AIMP1: variants seen among roughly 807,000 people sequenced by gnomAD.
AIMP1 encodes aminoacyl tRNA synthase complex-interacting multifunctional protein 1.
A neutral mutation model predicts 33.1 loss-of-function variants in AIMP1; 24 were observed. That is an observed-to-expected ratio of 0.73 (90% confidence interval 0.53 to 1.02). AIMP1 has a LOEUF of 1.02. Ranked by LOEUF, AIMP1 falls within the 50% of genes least tolerant of loss-of-function variation. The pLI is 0.00. For synonymous variants in AIMP1, 120 were observed against 121.5 expected (o/e 0.99, Z 0.08); for missense variants, 367 against 364.8 (o/e 1.01, Z -0.05).
chr4:106,328,434 C>T (rs763494303), intron 4 of AIMP1, among the ~76,000 whole-genome samples, 191 bp downstream of exon 4: 1 of 151,998 alleles, frequency 6.6e-6, no homozygotes, highest in African/African-American at 2.4e-5. Flanking sequence ...ACCAGATTAA[C>T]GGGGTAAAAA....
chr4:106,339,884 T>C (rs1389480551), intron 6 of AIMP1, among the ~76,000 whole-genome samples: 1 of 152,230 alleles, frequency 6.6e-6, no homozygotes, highest in Non-Finnish European at 1.5e-5. Flanking sequence ...TAAAATGTAA[T>C]GATTTTAATA....
At position 106,316,553 on chromosome 4, in the gene AIMP1, T is replaced by A; in HGVS notation, c.-67T>A. Reference sequence around the variant, plus strand: ...ACGCGGGTGGCTGGACCTACATGCTTCCTGCTGTGGCTGTCTCGGAACCCG... The same window carrying A: ...ACGCGGGTGGCTGGACCTACATGCTACCTGCTGTGGCTGTCTCGGAACCCG... On this transcript the variant is annotated 5_prime_UTR_variant, in exon 1 of 7. Coordinates refer to ENST00000672341, the MANE Select transcript of AIMP1 (RefSeq NM_001142416.2). 1 of 1,551,580 alleles carries A rather than the reference T, an allele frequency of 6.4e-7. No homozygotes were observed. Among genetic ancestry groups the A allele is most frequent in the Non-Finnish European group, 8.7e-7 (1 of 1,146,948 alleles).
intron 6 of AIMP1, among the ~76,000 whole-genome samples, chr4:106,346,153 T>C (rs902084706): frequency 6.6e-6 from 1 of 152,080 alleles, no homozygotes; most frequent in East Asian, 1.9e-4. Flanking sequence ...ATATTGAACA[T>C]TCTCAGCTAT....
intron 5 of AIMP1, among the ~76,000 whole-genome samples, chr4:106,334,466 T>C (rs1194963158): frequency 6.6e-6 from 1 of 152,024 alleles, no homozygotes; most frequent in African/African-American, 2.4e-5. Flanking sequence ...GGTTTCACTA[T>C]GTGGGCCAGG....
chr4:106,331,883 G>A lies in AIMP1; in HGVS notation c.603G>A (p.Gln201=). ...SGLVNHVPLE[Q]MQNRMVILLC... ...TGGTGAATCATGTTCCTCTTGAACAGGTAATCTGTACAACTGAAATTCCTG... is the reference window on the plus strand; with the variant it reads ...TGGTGAATCATGTTCCTCTTGAACAAGTAATCTGTACAACTGAAATTCCTG... The change falls in exon 5 of 7, where the codon CAG becomes CAA. Residue 201 remains glutamine (Q), a splice_region_variant and synonymous_variant. Transcript: ENST00000672341. The A allele has an allele frequency of 2.5e-6, 4 of 1,613,582 alleles. No homozygotes were observed. Among genetic ancestry groups the A allele is most frequent in the South Asian group, 1.1e-5 (1 of 91,078 alleles).
intron 5 of AIMP1, among the ~76,000 whole-genome samples, chr4:106,333,254 G>C (rs952693687): frequency 7.9e-5 from 12 of 152,078 alleles, no homozygotes; most frequent in Admixed American, 5.2e-4. Context: ...AAACAAGGGT[G>C]TTACTTGTTT....
At chr4:106,325,970 T>A (rs1769440840) in intron 2 of AIMP1, among the ~76,000 whole-genome samples, 1 of 152,026 alleles carries the variant, frequency 6.6e-6, no homozygotes, top group African/African-American at 2.4e-5. Flanking sequence ...TGTAAGAGGG[T>A]CACATGCCCC....
intron 1 of AIMP1, among the ~76,000 whole-genome samples, chr4:106,318,831 CAA>C (rs1364082122): frequency 2.0e-5 from 3 of 151,958 alleles, no homozygotes; most frequent in Non-Finnish European, 4.4e-5. Context: ...TGTGGGGAAA[CAA>C]AGGGTGATAC....
rs113073378 is a variant in AIMP1, at chr4:106,322,478, T to G, written c.-25-2507T>G. Among the ~76,000 whole-genome samples the G allele has an allele frequency of 4.6e-5, 7 of 152,206 alleles. 1 individual carries two copies. Among genetic ancestry groups the G allele is most frequent in the African/African-American group, 1.7e-4 (7 of 41,520 alleles). On this transcript the variant is annotated intron_variant, in intron 1 of 6. Transcript: ENST00000672341. ...CATCCAACCTATATTTTTAAAAAAT[T>G]TAAATGATAATTAATCAACAAGTAT...
At chr4:106,322,012 G>A (rs188876127) in intron 1 of AIMP1, among the ~76,000 whole-genome samples, 67 of 148,882 alleles carry the variant, frequency 4.5e-4, no homozygotes, top group African/African-American at 1.5e-3. Flanking sequence ...TCTCTGAAAC[G>A]TGCTGTGTCC....
intron 5 of AIMP1, among the ~76,000 whole-genome samples, chr4:106,332,976 G>A (rs1304473654): frequency 6.6e-6 from 1 of 152,020 alleles, no homozygotes; most frequent in Non-Finnish European, 1.5e-5. Context: ...AAATCCTGAT[G>A]TCTTGTTTCT....
At chr4:106,343,116 G>T (rs773787470) in intron 6 of AIMP1, among the ~76,000 whole-genome samples, 1 of 151,996 alleles carries the variant, frequency 6.6e-6, no homozygotes, top group Non-Finnish European at 1.5e-5. Context: ...TTGAGAACTC[G>T]TTATTGGTCT....
At chr4:106,344,085 A>C (rs371365361) in intron 6 of AIMP1, among the ~76,000 whole-genome samples, 2 of 151,920 alleles carry the variant, frequency 1.3e-5, no homozygotes, top group East Asian at 3.9e-4. Flanking sequence ...TTATTAATTA[A>C]CTTGGCTTCT....
intron 6 of AIMP1, among the ~76,000 whole-genome samples, chr4:106,338,686 C>G (rs79727894): frequency 6.6e-6 from 1 of 152,212 alleles, no homozygotes; most frequent in Non-Finnish European, 1.5e-5. Context: ...TGGGACCCCC[C>G]CACACACAGA....
Position 106,336,030 on chromosome 4 carries a change from C to CT in AIMP1, c.604-810dup, listed in dbSNP as rs34219049. On this transcript the variant is annotated intron_variant, in intron 5 of 6. Coordinates refer to ENST00000672341, the MANE Select transcript of AIMP1 (RefSeq NM_001142416.2). Reference sequence around the variant, plus strand: ...CATGATGCTGAAATTGTTAAATGATCTTTTTTTTTTTTTTTTTTTTTTTTT... The same window carrying CT: ...CATGATGCTGAAATTGTTAAATGATCTTTTTTTTTTTTTTTTTTTTTTTTTT... Among the ~76,000 whole-genome samples, 524 of 59,428 alleles carry CT rather than the reference C, an allele frequency of 8.8e-3. 102 individuals are homozygous for CT. Among genetic ancestry groups the CT allele is most frequent in the Non-Finnish European group, 0.012 (388 of 32,600 alleles). 39.0% of individuals were successfully genotyped at this position (59,428 alleles called of 152,430 possible). A position where few individuals can be genotyped will look rare whatever the true frequency, so the allele number is the denominator to read the frequency against.
intron 5 of AIMP1, among the ~76,000 whole-genome samples, chr4:106,332,632 C>CAT (rs927705128): frequency 3.5e-5 from 5 of 141,810 alleles, no homozygotes; most frequent in African/African-American, 7.7e-5. Context: ...TATATATATA[C>CAT]ATATATATAT....
chr4:106,331,907 T>C (rs758610312), intron 5 of AIMP1, 24 bp downstream of exon 5: 4 of 1,596,342 alleles, frequency 2.5e-6, no homozygotes, highest in Non-Finnish European at 3.4e-6. Context: ...CTGAAATTCC[T>C]GTTGTGTACA....
intron 1 of AIMP1, among the ~76,000 whole-genome samples, chr4:106,324,027 T>C (rs988398431): frequency 2.0e-5 from 3 of 152,054 alleles, no homozygotes; most frequent in African/African-American, 7.2e-5. Context: ...GCCAGTGTAT[T>C]GTGGCTTTTC....
At chr4:106,322,919 G>A (rs1201816971) in intron 1 of AIMP1, among the ~76,000 whole-genome samples, 2 of 151,820 alleles carry the variant, frequency 1.3e-5, no homozygotes, top group East Asian at 3.9e-4. Flanking sequence ...AGGAGACGGA[G>A]GTTGCAGTGA....
Sources: gnomAD v4.1 joint callset for allele counts (sites outside exome capture counted in the v4.1 genomes callset) on GRCh38, gnomAD v4.1.1 for gene constraint, MANE v1.5 for transcripts, NCBI Gene and HGNC (gene_info 2026-07-23, HGNC 2026-07-21) for gene names.